THSD4: variants seen among roughly 807,000 people sequenced by gnomAD.
THSD4 encodes the protein thrombospondin type-1 domain-containing protein 4.
THSD4 carries 69 observed loss-of-function variants against 119.0 expected under a neutral mutation model. The ratio of observed to expected loss-of-function variants is 0.58; its 90% CI spans 0.48 to 0.71. THSD4 has a LOEUF of 0.71. Among genes scored for constraint, THSD4 ranks in the 30% least tolerant of loss-of-function variants. THSD4 has a pLI of 0.00. For synonymous variants in THSD4, 524 were observed against 540.4 expected, an observed-to-expected ratio of 0.97 and a Z score of 0.42; for missense variants, 1,393 against 1,391.1, an observed-to-expected ratio of 1.00 and a Z score of -0.02.
At chr15:71,650,755 C>G (rs1244806091) in intron 7 of THSD4, among the ~76,000 whole-genome samples, 1 of 152,182 alleles carries the variant, frequency 6.6e-6, no homozygotes, top group East Asian at 1.9e-4. Flanking sequence ...TCGCCCTGTC[C>G]TCACTTGGGG....
At chr15:71,477,498 A>T (rs2047670548) in intron 7 of THSD4, among the ~76,000 whole-genome samples, 1 of 152,224 alleles carries the variant, frequency 6.6e-6, no homozygotes, top group African/African-American at 2.4e-5. Context: ...TTTGAAAGTT[A>T]CTGGAGTGGG....
At chr15:71,575,886 T>TA (rs2049439515) in intron 7 of THSD4, among the ~76,000 whole-genome samples, 1 of 152,232 alleles carries the variant, frequency 6.6e-6, no homozygotes, top group African/African-American at 2.4e-5. Flanking sequence ...GCAAGATACT[T>TA]ACAATCTAGG....
chr15:71,532,932 A>G (rs1851443798), intron 7 of THSD4, among the ~76,000 whole-genome samples: 1 of 152,184 alleles, frequency 6.6e-6, no homozygotes, highest in African/African-American at 2.4e-5. Context: ...TGGGAGTTGT[A>G]AAGTTTTCCA....
intron 7 of THSD4, among the ~76,000 whole-genome samples, chr15:71,593,851 C>T (rs1293902269): frequency 1.3e-5 from 2 of 152,056 alleles, no homozygotes; most frequent in Non-Finnish European, 2.9e-5. Flanking sequence ...CTGCAGTGAG[C>T]CATGATTGCG....
intron 6 of THSD4, among the ~76,000 whole-genome samples, chr15:71,289,066 A>G (rs1443911643): frequency 6.6e-6 from 1 of 152,204 alleles, no homozygotes; most frequent in Non-Finnish European, 1.5e-5. Context: ...TGTATGAGAC[A>G]TCTTTCCTGT....
At chr15:71,710,617 T>C (rs890823401) in intron 8 of THSD4, among the ~76,000 whole-genome samples, 1 of 152,158 alleles carries the variant, frequency 6.6e-6, no homozygotes, top group Non-Finnish European at 1.5e-5. Flanking sequence ...TACGGTATCT[T>C]CAAGGGGAAA....
chr15:71,766,786 A>G (rs935985995), intron 16 of THSD4: 1 of 152,238 alleles, frequency 6.6e-6, no homozygotes, highest in Non-Finnish European at 1.5e-5. Flanking sequence ...GTGAACGGAC[A>G]AACCATGGTG....
chr15:71,167,018 C>T (rs1056879264), intron 3 of THSD4: 3 of 152,070 alleles, frequency 2.0e-5, no homozygotes, highest in Non-Finnish European at 4.4e-5. Flanking sequence ...ATCTTGGCCA[C>T]CAAGATCATT....
intron 8 of THSD4, among the ~76,000 whole-genome samples, chr15:71,712,430 A>C (rs1263359138): frequency 6.6e-6 from 1 of 152,238 alleles, no homozygotes; most frequent in African/African-American, 2.4e-5. Context: ...AAAGAGCTCA[A>C]ATCAATAATG....
chr15:71,482,400 C>T (rs2047746191), intron 7 of THSD4, among the ~76,000 whole-genome samples: 1 of 151,192 alleles, frequency 6.6e-6, no homozygotes, highest in Non-Finnish European at 1.5e-5. Context: ...ACGCCATTCT[C>T]CTGCCTCAGC....
chr15:71,539,195 G>A (rs2048725664), intron 7 of THSD4, among the ~76,000 whole-genome samples: 1 of 152,216 alleles, frequency 6.6e-6, no homozygotes, highest in Non-Finnish European at 1.5e-5. Context: ...TCCCACCTCT[G>A]TGGCTCTTTA....
chr15:71,527,684 A>AT (rs1370458291), intron 7 of THSD4, among the ~76,000 whole-genome samples: 8 of 79,894 alleles, frequency 1.0e-4, no homozygotes, highest in African/African-American at 2.9e-4. Flanking sequence ...GATTTTGTTG[A>AT]TTTTTTTTCC....
At chr15:71,493,380 C>T (rs2047954414) in intron 7 of THSD4, among the ~76,000 whole-genome samples, 1 of 152,196 alleles carries the variant, frequency 6.6e-6, no homozygotes, top group African/African-American at 2.4e-5. Flanking sequence ...TGAGTTTGGA[C>T]AGGAGCCATC....
intron 3 of THSD4, among the ~76,000 whole-genome samples, chr15:71,207,112 G>C (rs1048435925): frequency 1.3e-5 from 2 of 152,062 alleles, no homozygotes; most frequent in Admixed American, 6.5e-5. Flanking sequence ...GGACTCATTT[G>C]ACCCTCATTT....
intron 7 of THSD4, among the ~76,000 whole-genome samples, chr15:71,580,919 T>TAC (rs149845297): frequency 3.6e-4 from 55 of 151,800 alleles, no homozygotes; most frequent in African/African-American, 5.1e-4. Flanking sequence ...GTTATATATA[T>TAC]ACACACACAC....
intron 4 of THSD4, among the ~76,000 whole-genome samples, chr15:71,224,963 G>A (rs914366199): frequency 1.3e-5 from 2 of 152,150 alleles, no homozygotes; most frequent in Non-Finnish European, 2.9e-5. Flanking sequence ...GGGTTAGGAT[G>A]TGGACATCTT....
intron 6 of THSD4, among the ~76,000 whole-genome samples, chr15:71,277,050 C>T (rs369052499): frequency 1.9e-4 from 29 of 151,282 alleles, no homozygotes; most frequent in African/African-American, 6.6e-4. Flanking sequence ...TATTTCCTGT[C>T]TGCATCTGAG....
chr15:71,158,423 G>T (rs1037651148), intron 3 of THSD4, among the ~76,000 whole-genome samples: 40 of 152,056 alleles, frequency 2.6e-4, no homozygotes, highest in African/African-American at 9.7e-4. Context: ...AAAGTGTTAG[G>T]ATTACAGGTG....
intron 7 of THSD4, among the ~76,000 whole-genome samples, chr15:71,546,319 T>C (rs2140848307): frequency 6.6e-6 from 1 of 152,190 alleles, no homozygotes; most frequent in East Asian, 1.9e-4. Flanking sequence ...TTGAGCCCAC[T>C]CTAGGCAGAA....
Sources: allele counts gnomAD v4.1 joint callset (sites outside exome capture counted in the v4.1 genomes callset), GRCh38; gene constraint gnomAD v4.1.1; transcripts MANE v1.5; gene names NCBI Gene and HGNC (gene_info 2026-07-23, HGNC 2026-07-21).